The following IL1RAPL2 variants were observed in gnomAD, a reference collection of about 807,000 sequenced individuals.
The protein encoded by IL1RAPL2 is interleukin 1 receptor accessory protein like 2.
In IL1RAPL2, 3 loss-of-function variants were observed where a neutral mutation model predicts 44.1. The ratio of observed to expected loss-of-function variants is 0.07; its 90% CI spans 0.03 to 0.18. The LOEUF is 0.18. IL1RAPL2 is among the 10% of genes least tolerant of loss of function. IL1RAPL2 has a pLI of 1.00. For synonymous variants in IL1RAPL2, 181 were observed against 178.8 expected (o/e 1.01, Z -0.10); for missense variants, 391 against 496.4 (o/e 0.79, Z 2.02).
chrX:105,379,153 A>G (rs73525385), intron 5 of IL1RAPL2, among the ~76,000 whole-genome samples: 3,427 of 111,750 alleles, frequency 0.031, 129 homozygotes, highest in African/African-American at 0.1. Flanking sequence ...AGAAATAACT[A>G]TGAAAGAAAG....
chrX:105,407,020 C>T, intron 5 of IL1RAPL2: 1 of 990,172 alleles, frequency 1.0e-6, no homozygotes, highest in South Asian at 1.9e-5. Flanking sequence ...GCTGACACCA[C>T]TACACATGTC....
chrX:105,757,934 T>C lies in IL1RAPL2; in HGVS notation c.1363+2587T>C. 3.6e-5 allele frequency among the ~76,000 whole-genome samples: 4 copies of C among 111,832 alleles called. 1 individual carries two copies. The Middle Eastern group carries it at 0.018, about 511-fold the overall frequency. On this transcript the variant is annotated intron_variant, in intron 10 of 10. Transcript: ENST00000372582. ...GGAAGTCAATGAAGTATATGAATAA[T>C]ATACTTGATTTACACATGAATGACA...
intron 2 of IL1RAPL2, among the ~76,000 whole-genome samples, chrX:104,841,466 C>A (rs1921899753): frequency 8.9e-6 from 1 of 111,934 alleles, no homozygotes; most frequent in Non-Finnish European, 1.9e-5. Context: ...TTAGCTGATG[C>A]AGTTTCTTCG....
At chrX:105,326,708 G>A (rs565433560) in intron 5 of IL1RAPL2, among the ~76,000 whole-genome samples, 13 of 111,239 alleles carry the variant, frequency 1.2e-4, no homozygotes, top group African/African-American at 3.6e-4. Context: ...AATAAATGTA[G>A]GGTTTTTTTT....
intron 5 of IL1RAPL2, among the ~76,000 whole-genome samples, chrX:105,329,138 T>TA (rs2034965530): frequency 2.7e-5 from 3 of 112,506 alleles, no homozygotes; most frequent in South Asian, 3.7e-4. Context: ...TCAAAGTTCA[T>TA]TAATCAACAG....
At chrX:104,926,289 A>T (rs1381004922) in intron 2 of IL1RAPL2, among the ~76,000 whole-genome samples, 2 of 112,405 alleles carry the variant, frequency 1.8e-5, no homozygotes, top group Non-Finnish European at 3.8e-5. Flanking sequence ...TAGATATGTT[A>T]TTCAAATTTA....
At chrX:104,846,132 A>C (rs1397507423) in intron 2 of IL1RAPL2, among the ~76,000 whole-genome samples, 2 of 111,767 alleles carry the variant, frequency 1.8e-5, no homozygotes, top group Non-Finnish European at 3.8e-5. Context: ...GCTAGCTGGT[A>C]CAAAGTTTAA....
intron 2 of IL1RAPL2, among the ~76,000 whole-genome samples, chrX:105,075,253 G>C (rs754146621): frequency 1.2e-4 from 13 of 111,737 alleles, no homozygotes; most frequent in East Asian, 2.8e-4. Flanking sequence ...TAGCATGAAG[G>C]GTTGTTGAAT....
At chrX:105,017,568 A>G (rs1172407994) in intron 2 of IL1RAPL2, among the ~76,000 whole-genome samples, 2 of 111,262 alleles carry the variant, frequency 1.8e-5, no homozygotes, top group Non-Finnish European at 3.8e-5. Flanking sequence ...AAACATCAAA[A>G]ACTCTAGATC....
chrX:104,874,404 T>C (rs1198828466), intron 2 of IL1RAPL2, among the ~76,000 whole-genome samples: 4 of 108,509 alleles, frequency 3.7e-5, no homozygotes, highest in Non-Finnish European at 7.7e-5. Context: ...AAATTTGATA[T>C]TCACTAACCT....
At chrX:105,364,766 A>G (rs2035280660) in intron 5 of IL1RAPL2, among the ~76,000 whole-genome samples, 1 of 111,693 alleles carries the variant, frequency 9.0e-6, no homozygotes, top group African/African-American at 3.2e-5. Context: ...ATGCAACTTT[A>G]CTGAATTTCT....
intron 2 of IL1RAPL2, among the ~76,000 whole-genome samples, chrX:105,155,385 T>C (rs1031710055): frequency 9.0e-6 from 1 of 110,810 alleles, no homozygotes; most frequent in South Asian, 3.8e-4. Flanking sequence ...GCATTTAAGA[T>C]TGGGGAAAAC....
chrX:104,761,849 CTCCTTCTCCTT>C (rs1569309724), intron 2 of IL1RAPL2, among the ~76,000 whole-genome samples: 5 of 42,427 alleles, frequency 1.2e-4, no homozygotes, highest in East Asian at 1.8e-3. Context: ...TCTCCTTCTT[CTCCTTCTCCTT>C]CTCCTTCTCC....
Position 105,490,273 on chromosome X carries a change from C to G in IL1RAPL2, c.772+5886C>G, listed in dbSNP as rs756893470. The stretch of plus-strand genomic sequence containing the variant: ...CTAAGGTAGATCAGAAAAACCCAGA[C>G]AAGTAGAACATCCAAGCTAATTGGG... On this transcript the variant is annotated intron_variant, in intron 6 of 10. Coordinates refer to ENST00000372582, the MANE Select transcript of IL1RAPL2 (RefSeq NM_017416.2). 6.2e-5 allele frequency among the ~76,000 whole-genome samples: 7 copies of G among 112,353 alleles called. No homozygotes were observed. In the South Asian group the frequency reaches 2.6e-3, roughly 41 times the overall value.
At position 105,220,256 on chromosome X, in the gene IL1RAPL2, CT is replaced by C. The variant is rs781970080; in HGVS notation, c.357-13560del. On this transcript the variant is annotated intron_variant, in intron 3 of 10. Coordinates refer to ENST00000372582, the MANE Select transcript of IL1RAPL2 (RefSeq NM_017416.2). ...TCCTCCAGTATGGCCCTCAGCTTGT[CT>C]TCCACCTTCTCCCAGGATAAGGATA... 3 of 1,211,558 alleles carry C rather than the reference CT, an allele frequency of 2.5e-6. No homozygotes were observed. The South Asian group carries it at 5.3e-5, about 21-fold the overall frequency.
Position 105,390,500 on chromosome X carries a change from T to C in IL1RAPL2, c.698-93813T>C, listed in dbSNP as rs201456228. On this transcript the variant is annotated intron_variant, in intron 5 of 10. Coordinates refer to ENST00000372582, the MANE Select transcript of IL1RAPL2 (RefSeq NM_017416.2). ...GTTAAATGCCCTGAGAGAAATTTTATTTAAGGCAATCTATTTAAAATATGA... is the reference window on the plus strand; with the variant it reads ...GTTAAATGCCCTGAGAGAAATTTTACTTAAGGCAATCTATTTAAAATATGA... Among the ~76,000 whole-genome samples the C allele has an allele frequency of 4.5e-5, 5 of 111,690 alleles. No homozygotes were observed. The East Asian group carries it at 1.4e-3, about 31-fold the overall frequency.
intron 2 of IL1RAPL2, among the ~76,000 whole-genome samples, chrX:104,782,255 A>C (rs1309958684): frequency 9.0e-6 from 1 of 111,343 alleles, no homozygotes; most frequent in Non-Finnish European, 1.9e-5. Flanking sequence ...GTAGTCCACC[A>C]TACCACCATA....
intron 2 of IL1RAPL2, among the ~76,000 whole-genome samples, chrX:104,690,485 C>T (rs780379787): frequency 8.9e-6 from 1 of 112,373 alleles, no homozygotes; most frequent in Non-Finnish European, 1.9e-5. Flanking sequence ...TCTTATCCCA[C>T]GCTTGCCAAG....
intron 2 of IL1RAPL2, among the ~76,000 whole-genome samples, chrX:104,969,330 G>T (rs1009518168): frequency 9.1e-6 from 1 of 110,218 alleles, no homozygotes; most frequent in Non-Finnish European, 1.9e-5. Flanking sequence ...TTAAAAGGGG[G>T]TTATCTTGAC....
Sources: gnomAD v4.1 joint callset for allele counts (sites outside exome capture counted in the v4.1 genomes callset) on GRCh38, gnomAD v4.1.1 for gene constraint, MANE v1.5 for transcripts, NCBI Gene and HGNC (gene_info 2026-07-23, HGNC 2026-07-21) for gene names.